FSHR: variants seen among roughly 807,000 people sequenced by gnomAD.
FSHR encodes the protein follicle-stimulating hormone receptor.
In FSHR, 46 loss-of-function variants were observed where a neutral mutation model predicts 52.1. The observed-to-expected ratio is 0.88, with a 90% CI of 0.70 to 1.13. The LOEUF is 1.13. Ranked by LOEUF, FSHR falls within the 50% of genes most tolerant of loss-of-function variation. The pLI, the probability that FSHR is intolerant of heterozygous loss-of-function variation, is 0.00. For synonymous variants in FSHR, 399 were observed against 309.6 expected (o/e 1.29, Z -3.03); for missense variants, 964 against 834.6 (o/e 1.16, Z -1.91).
intron 1 of FSHR, among the ~76,000 whole-genome samples, chr2:49,090,369 A>C (rs1055028186): frequency 3.9e-5 from 6 of 152,194 alleles, no homozygotes; most frequent in Admixed American, 3.9e-4. Flanking sequence ...ATGCTATCAT[A>C]CAGTATATAA....
intron 9 of FSHR, among the ~76,000 whole-genome samples, chr2:48,968,286 A>G (rs1005064273): frequency 6.6e-6 from 1 of 152,200 alleles, no homozygotes; most frequent in Non-Finnish European, 1.5e-5. Context: ...AGTCTCTGGC[A>G]TGGCATTTAT....
intron 4 of FSHR, among the ~76,000 whole-genome samples, chr2:48,996,379 C>A (rs1676023946): frequency 6.6e-6 from 1 of 152,040 alleles, no homozygotes. Flanking sequence ...GAATCACTGG[C>A]CCCATGGGAA....
chr2:49,104,803 C>T (rs1427007004), intron 1 of FSHR, among the ~76,000 whole-genome samples: 1 of 150,986 alleles, frequency 6.6e-6, no homozygotes, highest in Non-Finnish European at 1.5e-5. Flanking sequence ...CCAGTATTTC[C>T]ACCAGTTCTG....
At chr2:49,065,132 C>T (rs1669452883) in intron 2 of FSHR, among the ~76,000 whole-genome samples, 1 of 152,050 alleles carries the variant, frequency 6.6e-6, no homozygotes. Flanking sequence ...AAAATTATTC[C>T]ACCTGGTGAG....
intron 1 of FSHR, among the ~76,000 whole-genome samples, chr2:49,125,037 C>T (rs1216514313): frequency 6.6e-6 from 1 of 152,184 alleles, no homozygotes; most frequent in Non-Finnish European, 1.5e-5. Context: ...AGTCACTGCT[C>T]TTGCTTGTTT....
chr2:49,024,118 T>G (rs1233548168), intron 2 of FSHR, among the ~76,000 whole-genome samples: 1 of 152,182 alleles, frequency 6.6e-6, no homozygotes, highest in East Asian at 1.9e-4. Flanking sequence ...GAGTTGTTAC[T>G]GACTTATTGG....
At chr2:49,092,099 G>A (rs1160747666) in intron 1 of FSHR, among the ~76,000 whole-genome samples, 1 of 152,050 alleles carries the variant, frequency 6.6e-6, no homozygotes, top group East Asian at 1.9e-4. Flanking sequence ...ATTTTATTAG[G>A]TTTACAACTA....
chr2:49,099,595 G>A (rs983973940), intron 1 of FSHR, among the ~76,000 whole-genome samples: 4 of 151,994 alleles, frequency 2.6e-5, no homozygotes, highest in Admixed American at 2.0e-4. Flanking sequence ...ATTAGGGTGG[G>A]CCCTAATCCA....
In FSHR at chr2:48,988,965, C is replaced by T. The variant is rs754712186; in HGVS notation, c.524+12G>A. ...AAATGTTACTCTGTTGGATTTTTTC[C>T]CCCTTACTTACAGAATCACACTTTC... On this transcript the variant is annotated intron_variant, in intron 6 of 9. Coordinates refer to ENST00000406846, the MANE Select transcript of FSHR (RefSeq NM_000145.4). 1.4e-5 allele frequency: 23 copies of T among 1,608,642 alleles called. 1 individual carries two copies. The highest frequency in any genetic ancestry group is 2.0e-5 in the Non-Finnish European group (23 of 1,175,266).
chr2:48,963,898 C>G lies in FSHR; in HGVS notation c.923G>C (p.Arg308Thr). The part of the protein sequence containing the change: ...RQEVDYMTQA[R>T]GQRSSLAEDN... ...TTCTGCCAGAGAGGATCTCTGACCCCTAGCCTGAGTCATATAATCAACTTC... is the reference window on the plus strand; with the variant it reads ...TTCTGCCAGAGAGGATCTCTGACCCGTAGCCTGAGTCATATAATCAACTTC... Residue 308 changes from arginine to threonine, a missense_variant, in exon 10 of 10, where the codon AGG (arginine) becomes ACG (threonine). Arg to Thr is a moderately conservative substitution (Grantham distance 71). Coordinates refer to ENST00000406846, the MANE Select transcript of FSHR (RefSeq NM_000145.4). The G allele has an allele frequency of 6.2e-7, 1 of 1,613,658 alleles. No homozygotes were observed. The highest frequency in any genetic ancestry group is 8.5e-7 in the Non-Finnish European group (1 of 1,179,586).
At chr2:49,034,260 C>G (rs1253068479) in intron 2 of FSHR, among the ~76,000 whole-genome samples, 3 of 152,206 alleles carry the variant, frequency 2.0e-5, no homozygotes, top group Admixed American at 2.0e-4. Flanking sequence ...AGGATGAGAG[C>G]TAGAGCTCAT....
intron 1 of FSHR, among the ~76,000 whole-genome samples, chr2:49,141,311 T>C (rs1672679059): frequency 6.6e-6 from 1 of 152,144 alleles, no homozygotes; most frequent in Non-Finnish European, 1.5e-5. Context: ...AAAAGAGGTT[T>C]AATTGGGTCA....
chr2:49,051,524 T>A (rs1362455976), intron 2 of FSHR, among the ~76,000 whole-genome samples: 1 of 152,150 alleles, frequency 6.6e-6, no homozygotes, highest in African/African-American at 2.4e-5. Context: ...CATTTTAAAT[T>A]AGATTGTGTG....
chr2:49,061,088 T>A (rs1180339475), intron 2 of FSHR, among the ~76,000 whole-genome samples: 1 of 152,078 alleles, frequency 6.6e-6, no homozygotes, highest in African/African-American at 2.4e-5. Flanking sequence ...CTCAGGGGCA[T>A]AATCACCACT....
intron 4 of FSHR, among the ~76,000 whole-genome samples, chr2:48,992,413 G>A (rs1239485329): frequency 2.0e-5 from 3 of 152,072 alleles, no homozygotes; most frequent in African/African-American, 7.2e-5. Flanking sequence ...AAAATGTTAT[G>A]TCAATGGAAT....
At chr2:49,063,492 A>G (rs948406729) in intron 2 of FSHR, among the ~76,000 whole-genome samples, 2 of 152,124 alleles carry the variant, frequency 1.3e-5, no homozygotes, top group Admixed American at 1.3e-4. Context: ...TTAGTGATGA[A>G]AGGGAGCAAA....
At chr2:49,006,180 C>T (rs1042613172) in intron 4 of FSHR, among the ~76,000 whole-genome samples, 1 of 152,050 alleles carries the variant, frequency 6.6e-6, no homozygotes, top group Non-Finnish European at 1.5e-5. Context: ...ATAAACTCCC[C>T]TTTATGTATA....
At chr2:49,128,542 G>C (rs372095287) in intron 1 of FSHR, among the ~76,000 whole-genome samples, 2 of 151,902 alleles carry the variant, frequency 1.3e-5, no homozygotes, top group African/African-American at 4.8e-5. Flanking sequence ...TCTTTATTCA[G>C]GTCAAGAAGA....
intron 2 of FSHR, among the ~76,000 whole-genome samples, chr2:49,041,143 C>T (rs1668466540): frequency 6.6e-6 from 1 of 152,164 alleles, no homozygotes; most frequent in Non-Finnish European, 1.5e-5. Context: ...TTTCTTCAGG[C>T]TTCTTTGAAA....
Sources: allele counts gnomAD v4.1 joint callset (sites outside exome capture counted in the v4.1 genomes callset), GRCh38; gene constraint gnomAD v4.1.1; transcripts MANE v1.5; gene names NCBI Gene and HGNC (gene_info 2026-07-23, HGNC 2026-07-21).